Variants in AP1M1 observed in about 807,000 individuals in gnomAD.
AP1M1 encodes adaptor related protein complex 1 subunit mu 1, also known as AP-1 complex subunit mu-1.
In AP1M1, 18 loss-of-function variants were observed where a neutral mutation model predicts 57.1. The ratio of observed to expected loss-of-function variants is 0.32; its 90% CI spans 0.22 to 0.47. AP1M1 has a LOEUF of 0.47. AP1M1 is among the 20% of genes least tolerant of loss of function. AP1M1 has a pLI of 1.00. For synonymous variants in AP1M1, 241 were observed against 237.9 expected (o/e 1.01, Z -0.12); for missense variants, 362 against 593.5 (o/e 0.61, Z 4.05).
intron 1 of AP1M1, chr19:16,198,315 G>A (rs2091432830): frequency 3.4e-6 from 1 of 297,116 alleles, no homozygotes; most frequent in Non-Finnish European, 6.3e-6. Flanking sequence ...CCAGGTAACT[G>A]ACTGCACCGC....
rs2091473701 is a variant in AP1M1, at chr19:16,207,406, C to T, written c.268-613C>T. ...GGCTGTGCTGCCTGTGGTTTCCAAGCAGAGGCCGGGTGATCACAGTCCTGA... is the reference window on the plus strand; with the variant it reads ...GGCTGTGCTGCCTGTGGTTTCCAAGTAGAGGCCGGGTGATCACAGTCCTGA... On this transcript the variant is annotated intron_variant, in intron 3 of 11. Transcript: ENST00000291439. This position sits in a 1 kb window ranked among gnomAD's most constrained non-coding sequence, Gnocchi z 4.2. Among the ~76,000 whole-genome samples, 1 of 151,962 alleles carries T rather than the reference C, an allele frequency of 6.6e-6. No individual in the cohort carries two copies. Among genetic ancestry groups the T allele is most frequent in the Non-Finnish European group, 1.5e-5 (1 of 67,968 alleles).
intron 9 of AP1M1, among the ~76,000 whole-genome samples, chr19:16,232,947 A>G (rs1488212651): frequency 1.3e-5 from 2 of 152,234 alleles, no homozygotes; most frequent in Non-Finnish European, 1.5e-5. Context: ...CCTCAGGAGC[A>G]GGACCCAGGG....
At position 16,209,015 on chromosome 19, in the gene AP1M1, C is replaced by G. The variant is rs367873999; in HGVS notation, c.399-15C>G. 4 of 1,610,556 alleles carry G rather than the reference C, an allele frequency of 2.5e-6. No individual in the cohort carries two copies. The highest frequency in any genetic ancestry group is 1.7e-5 in the Admixed American group (1 of 59,720). On this transcript the variant is annotated splice_polypyrimidine_tract_variant and intron_variant, in intron 4 of 11. Transcript: ENST00000291439. Reference sequence around the variant, plus strand: ...CGGGTACCACCTCCTTCACTCTGAGCGTGTGGCCCCACAGGTACATCACTC... The same window carrying G: ...CGGGTACCACCTCCTTCACTCTGAGGGTGTGGCCCCACAGGTACATCACTC...
rs1370667506 is a variant in AP1M1 at position 16,244,963 on chromosome 19, T to C, written c.*10528T>C. 1.3e-5 allele frequency: 2 copies of C among 151,992 alleles called. No individual in the cohort carries two copies. Among genetic ancestry groups the C allele is most frequent in the Non-Finnish European group, 2.9e-5 (2 of 68,146 alleles). The allele number at this position is 151,992 out of a possible 1,614,324, so 9.4% of individuals were successfully genotyped here. ...CCCAGGCTGGAGTGCAATGGCGCGG[T>C]CTTTGCTCACTGCAACCTCTGCATC... On this transcript the variant is annotated 3_prime_UTR_variant, in exon 12 of 12. Coordinates refer to ENST00000291439, the MANE Select transcript of AP1M1 (RefSeq NM_032493.4).
At chr19:16,216,920 C>T (rs73009170) in intron 5 of AP1M1, among the ~76,000 whole-genome samples, 1,874 of 152,344 alleles carry the variant, frequency 0.012, 16 homozygotes, top group Non-Finnish European at 0.021. Context: ...CATGTGCCAG[C>T]GGCAGCACAG....
chr19:16,224,163 T>A (rs1483253848), intron 5 of AP1M1, among the ~76,000 whole-genome samples: 1 of 152,210 alleles, frequency 6.6e-6, no homozygotes, highest in Non-Finnish European at 1.5e-5. Context: ...TTTCTTACTT[T>A]CCGGGACGGG....
chr19:16,233,593 C>T lies in AP1M1; in HGVS notation c.1148C>T (p.Pro383Leu). Residue 383 changes from proline to leucine, a missense_variant, in exon 10 of 12, where the codon CCT becomes CTT. Pro to Leu is a moderately conservative substitution (Grantham distance 98). Coordinates refer to ENST00000291439, the MANE Select transcript of AP1M1 (RefSeq NM_032493.4). ...CCGATCAGTGTCAAGTTCGAGATCC[C>T]TTACTTCACTACCTCCGGCATCCAG... Reference protein sequence around the residue: ...KPPISVKFEIPYFTTSGIQVR... With the variant: ...KPPISVKFEILYFTTSGIQVR... The T allele has an allele frequency of 6.2e-7, 1 of 1,611,594 alleles. No individual in the cohort carries two copies. Among genetic ancestry groups the T allele is most frequent in the Non-Finnish European group, 8.5e-7 (1 of 1,179,064 alleles).
At chr19:16,220,077 C>T (rs1325154125) in intron 5 of AP1M1, among the ~76,000 whole-genome samples, 3 of 152,180 alleles carry the variant, frequency 2.0e-5, no homozygotes, top group Middle Eastern at 6.8e-3. Context: ...AGTGTTTTTT[C>T]CTCTTCCGTT....
chr19:16,210,315 G>A, intron 5 of AP1M1: 1 of 704,716 alleles, frequency 1.4e-6, no homozygotes. Flanking sequence ...CTAGAAACAT[G>A]TCGTGTCCAG....
chr19:16,235,130 C>T lies in AP1M1; in HGVS notation c.*695C>T. ...CCTCGCCTGTGGCGCCTTCCCAGGG[C>T]CAGCCTGGGTCACGAGATGCTGTCA... On this transcript the variant is annotated 3_prime_UTR_variant, in exon 12 of 12. Coordinates refer to ENST00000291439, the MANE Select transcript of AP1M1 (RefSeq NM_032493.4). The T allele has an allele frequency of 6.6e-6, 1 of 152,532 alleles. No homozygotes were observed. Among genetic ancestry groups the T allele is most frequent in the Non-Finnish European group, 1.5e-5 (1 of 68,234 alleles). The allele number at this position is 152,532 out of a possible 1,614,324, so 9.4% of individuals were successfully genotyped here. A position where few individuals can be genotyped will look rare whatever the true frequency, so the allele number is the denominator to read the frequency against.
Position 16,228,662 on chromosome 19 carries a change from GGGGCTAGGGAGGATCCCCC to G in AP1M1, c.889-103_889-85del. On this transcript the variant is annotated intron_variant, in intron 8 of 11. Coordinates refer to ENST00000291439, the MANE Select transcript of AP1M1 (RefSeq NM_032493.4). The surrounding 1 kb of genome is among the most constrained non-coding windows in gnomAD (Gnocchi z 5.0). ...TGCCTGGAGAAGTGGGGCCAGGGGC[GGGGCTAGGGAGGATCCCCC>G]GGGCCAGGCTGAGGGGCATGTGTCC... 7.8e-7 allele frequency: 1 copy of G among 1,276,220 alleles called. No homozygotes were observed. Among genetic ancestry groups the G allele is most frequent in the Admixed American group, 2.0e-5 (1 of 50,352 alleles). The allele number at this position is 1,276,220 out of a possible 1,614,324, so 79.1% of individuals were successfully genotyped here.
Position 16,244,626 on chromosome 19 carries a change from C to G in AP1M1, c.*10191C>G, listed in dbSNP as rs1436560548. The G allele has an allele frequency of 2.0e-5, 3 of 151,932 alleles. No individual in the cohort carries two copies. In the South Asian group the frequency reaches 6.2e-4, roughly 31 times the overall value. 9.4% of individuals were successfully genotyped at this position (151,932 alleles called of 1,614,324 possible). On this transcript the variant is annotated 3_prime_UTR_variant, in exon 12 of 12. Coordinates refer to ENST00000291439, the MANE Select transcript of AP1M1 (RefSeq NM_032493.4). Reference sequence around the variant, plus strand: ...CGGGCGGATCACGAGGTCAGGAGATCGAGACCATCCTGGCTAACACGGTGA... The same window carrying G: ...CGGGCGGATCACGAGGTCAGGAGATGGAGACCATCCTGGCTAACACGGTGA...
chr19:16,239,286 G>T lies in AP1M1; in HGVS notation c.*4851G>T. ...TTTTTTTTTTTTTTTTTTTAAGACT[G>T]CAAAGCTGGGCATGGTAGTATGCAC... On this transcript the variant is annotated 3_prime_UTR_variant, in exon 12 of 12. Transcript: ENST00000291439. The T allele has an allele frequency of 9.9e-6, 1 of 100,998 alleles. No individual in the cohort carries two copies. Among genetic ancestry groups the T allele is most frequent in the Admixed American group, 1.4e-4 (1 of 7,330 alleles). The allele number at this position is 100,998 out of a possible 1,614,324, so 6.3% of individuals were successfully genotyped here. A position where few individuals can be genotyped will look rare whatever the true frequency, so the allele number is the denominator to read the frequency against.
chr19:16,206,356 A>G lies in AP1M1; in HGVS notation c.215A>G (p.Lys72Arg). Residue 72 changes from lysine to arginine, a missense_variant, in exon 3 of 12, where the codon AAG (lysine) becomes AGG (arginine). Physicochemically the swap from Lys to Arg is conservative, Grantham distance 26. Coordinates refer to ENST00000291439, the MANE Select transcript of AP1M1 (RefSeq NM_032493.4). The surrounding 1 kb of genome is among the most constrained non-coding windows in gnomAD (Gnocchi z 4.3). ...HNNLYLVATSKKNACVSLVFS... is the reference protein window; with the variant it reads ...HNNLYLVATSRKNACVSLVFS... ...CGCCATGCAGTGGTTGCCACATCCA[A>G]GAAGAACGCGTGCGTGTCGCTGGTC... 6.2e-7 allele frequency: 1 copy of G among 1,614,148 alleles called. No homozygotes were observed. The highest frequency in any genetic ancestry group is 8.5e-7 in the Non-Finnish European group (1 of 1,180,010).
chr19:16,224,618 G>A (rs942142960), intron 5 of AP1M1, among the ~76,000 whole-genome samples: 5 of 152,232 alleles, frequency 3.3e-5, no homozygotes, highest in African/African-American at 7.2e-5. Flanking sequence ...CTGCCCGCAG[G>A]GCCGAGATCA....
At chr19:16,232,799 G>A (rs960266876) in intron 9 of AP1M1, among the ~76,000 whole-genome samples, 1 of 152,204 alleles carries the variant, frequency 6.6e-6, no homozygotes, top group African/African-American at 2.4e-5. Flanking sequence ...AGCTGAGATC[G>A]TGCCCCCGAC....
At chr19:16,221,276 G>A (rs1478357103) in intron 5 of AP1M1, among the ~76,000 whole-genome samples, 2 of 152,148 alleles carry the variant, frequency 1.3e-5, no homozygotes, top group South Asian at 2.1e-4. Flanking sequence ...CTTGTTCCTC[G>A]GTACCACAAG....
At chr19:16,231,181 G>T (rs889241900) in intron 9 of AP1M1, among the ~76,000 whole-genome samples, 1 of 151,386 alleles carries the variant, frequency 6.6e-6, no homozygotes, top group African/African-American at 2.4e-5. Context: ...CCAGCTACTC[G>T]GGAGGCTGAG....
chr19:16,225,573 T>G (rs535235340), intron 5 of AP1M1, among the ~76,000 whole-genome samples: 5 of 152,150 alleles, frequency 3.3e-5, no homozygotes, highest in Admixed American at 6.5e-5. Flanking sequence ...CGGTGTGGAT[T>G]TTCAGTTGCA....
Sources: gnomAD v4.1 joint callset for allele counts (sites outside exome capture counted in the v4.1 genomes callset) on GRCh38, gnomAD v4.1.1 for gene constraint, Gnocchi (gnomAD v3.1) non-coding constraint, MANE v1.5 for transcripts, NCBI Gene and HGNC (gene_info 2026-07-23, HGNC 2026-07-21) for gene names.